Variants in PLEKHA7 observed in about 807,000 individuals in gnomAD.
The protein encoded by PLEKHA7 is pleckstrin homology domain-containing family A member 7.
A neutral mutation model predicts 170.0 loss-of-function variants in PLEKHA7; 104 were observed. The ratio of observed to expected loss-of-function variants is 0.61; its 90% CI spans 0.52 to 0.72. PLEKHA7 has a LOEUF of 0.72. Among genes scored for constraint, PLEKHA7 ranks in the 30% least tolerant of loss-of-function variants. The pLI is 0.00. For synonymous variants in PLEKHA7, 648 were observed against 660.8 expected (o/e 0.98, Z 0.30); for missense variants, 1,615 against 1,671.7 (o/e 0.97, Z 0.59).
intron 8 of PLEKHA7, among the ~76,000 whole-genome samples, chr11:16,849,030 C>T (rs999813720): frequency 6.6e-5 from 10 of 152,180 alleles, no homozygotes; most frequent in African/African-American, 1.2e-4. Context: ...CTCACGGAAC[C>T]ATTGCCCTTT....
At chr11:16,831,767 G>A (rs139564558) in intron 9 of PLEKHA7, among the ~76,000 whole-genome samples, 4 of 152,206 alleles carry the variant, frequency 2.6e-5, no homozygotes, top group African/African-American at 9.6e-5. Context: ...GGATAACAGT[G>A]TCTCCTTGGG....
At chr11:16,866,485 G>A (rs1314674268) in intron 4 of PLEKHA7, among the ~76,000 whole-genome samples, 3 of 152,038 alleles carry the variant, frequency 2.0e-5, no homozygotes, top group Non-Finnish European at 4.4e-5. Context: ...CCAGCTACTC[G>A]GGAGACTGAG....
intron 8 of PLEKHA7, among the ~76,000 whole-genome samples, chr11:16,844,778 C>G (rs1852253148): frequency 6.6e-6 from 1 of 152,166 alleles, no homozygotes; most frequent in African/African-American, 2.4e-5. Flanking sequence ...GTTCAAGCCC[C>G]CAACATCAGC....
intron 3 of PLEKHA7, among the ~76,000 whole-genome samples, chr11:16,880,890 C>A (rs934187579): frequency 6.6e-6 from 1 of 152,170 alleles, no homozygotes; most frequent in South Asian, 2.1e-4. Flanking sequence ...GATGTTCCCT[C>A]CAGCTGTAGC....
intron 9 of PLEKHA7, among the ~76,000 whole-genome samples, chr11:16,836,520 T>C (rs532650621): frequency 6.6e-6 from 1 of 152,364 alleles, no homozygotes; most frequent in South Asian, 2.1e-4. Flanking sequence ...GCGAATGAAA[T>C]GCTACTGTTG....
chr11:16,989,939 C>T (rs925308229), intron 3 of PLEKHA7, among the ~76,000 whole-genome samples: 1 of 152,044 alleles, frequency 6.6e-6, no homozygotes, highest in Non-Finnish European at 1.5e-5. Context: ...CAAACCTGGA[C>T]ATAGCAATGT....
intron 3 of PLEKHA7, among the ~76,000 whole-genome samples, chr11:16,928,823 T>C (rs1188994103): frequency 1.3e-5 from 2 of 152,146 alleles, no homozygotes; most frequent in East Asian, 1.9e-4. Context: ...CATGGTAGTT[T>C]AGGGTACATT....
intron 3 of PLEKHA7, among the ~76,000 whole-genome samples, chr11:16,947,389 G>A (rs995928049): frequency 6.0e-5 from 9 of 150,794 alleles, no homozygotes; most frequent in Middle Eastern, 3.6e-3. Flanking sequence ...TCAGGAGTTC[G>A]AGACCAGCCT....
intron 9 of PLEKHA7, among the ~76,000 whole-genome samples, chr11:16,827,622 G>T (rs563964255): frequency 2.2e-4 from 33 of 152,256 alleles, no homozygotes; most frequent in Middle Eastern, 3.4e-3. Context: ...TCTGTAAGCT[G>T]CCCTTCTCTC....
intron 3 of PLEKHA7, among the ~76,000 whole-genome samples, chr11:16,945,204 G>A (rs1860950609): frequency 1.3e-5 from 2 of 152,116 alleles, no homozygotes; most frequent in Non-Finnish European, 2.9e-5. Flanking sequence ...CCAAAGTGCT[G>A]GAATAACAAG....
chr11:16,956,523 GCT>G (rs1189139246), intron 3 of PLEKHA7, among the ~76,000 whole-genome samples: 1 of 152,174 alleles, frequency 6.6e-6, no homozygotes, highest in African/African-American at 2.4e-5. Flanking sequence ...TAGTTCCATG[GCT>G]CTCTCTACTG....
At chr11:16,951,098 T>C (rs1861378323) in intron 3 of PLEKHA7, among the ~76,000 whole-genome samples, 1 of 152,374 alleles carries the variant, frequency 6.6e-6, no homozygotes, top group African/African-American at 2.4e-5. Context: ...ATCTGTATTA[T>C]CTCATTTAAT....
In PLEKHA7 at chr11:16,846,608, T is replaced by C. The variant is rs138173521; in HGVS notation, c.696+4583A>G. The stretch of plus-strand genomic sequence containing the variant: ...TGCTTAGAGCACAGCCTGGCATTTG[T>C]AAGGCTCAAAAGATGTCAGTTGATG... On this transcript the variant is annotated intron_variant, in intron 8 of 26. Transcript: ENST00000531066. 2.0e-5 allele frequency among the ~76,000 whole-genome samples: 3 copies of C among 152,344 alleles called. No individual in the cohort carries two copies. In the South Asian group the frequency reaches 6.2e-4, roughly 32 times the overall value.
chr11:16,825,980 G>T, intron 10 of PLEKHA7, 140 bp downstream of exon 10: 1 of 903,166 alleles, frequency 1.1e-6, no homozygotes, highest in Admixed American at 2.3e-5. Flanking sequence ...TTTCTTGCAG[G>T]GTTGTTACAG....
chr11:16,796,618 T>TA (rs1475415136), intron 17 of PLEKHA7, among the ~76,000 whole-genome samples: 1 of 152,206 alleles, frequency 6.6e-6, no homozygotes, highest in Non-Finnish European at 1.5e-5. Flanking sequence ...GTGAGTATAC[T>TA]AAAAACCACT....
chr11:16,895,897 T>A (rs1050682204), intron 3 of PLEKHA7, among the ~76,000 whole-genome samples: 2 of 152,164 alleles, frequency 1.3e-5, no homozygotes, highest in East Asian at 3.9e-4. Flanking sequence ...CAAAATTGAT[T>A]AAGAGAGAAA....
chr11:16,795,793 A>AAAT (rs1163948535), intron 17 of PLEKHA7, among the ~76,000 whole-genome samples: 1 of 151,928 alleles, frequency 6.6e-6, no homozygotes, highest in Non-Finnish European at 1.5e-5. Context: ...TGTCTCAACA[A>AAAT]AATAATAATA....
intron 9 of PLEKHA7, among the ~76,000 whole-genome samples, chr11:16,827,648 G>A (rs991798155): frequency 6.6e-6 from 1 of 152,128 alleles, no homozygotes; most frequent in African/African-American, 2.4e-5. Context: ...CCTTGGGGCA[G>A]GGTCCTAGTT....
At chr11:16,834,744 G>C (rs1851375587) in intron 9 of PLEKHA7, among the ~76,000 whole-genome samples, 1 of 152,158 alleles carries the variant, frequency 6.6e-6, no homozygotes, top group African/African-American at 2.4e-5. Context: ...GCGGAAGTCA[G>C]TAAGACAGAT....
Sources: gnomAD v4.1 joint callset for allele counts (sites outside exome capture counted in the v4.1 genomes callset) on GRCh38, gnomAD v4.1.1 for gene constraint, MANE v1.5 for transcripts, NCBI Gene and HGNC (gene_info 2026-07-23, HGNC 2026-07-21) for gene names.